Variants in FAM110B observed in about 807,000 individuals in gnomAD.
FAM110B encodes the protein family with sequence similarity 110 member B.
In FAM110B, 6 loss-of-function variants were observed where a neutral mutation model predicts 20.4. That is an observed-to-expected ratio of 0.29 (90% CI 0.16 to 0.58). The LOEUF (loss-of-function observed/expected upper bound fraction) is 0.58, where lower values mean the gene tolerates loss of function less well. Ranked by LOEUF, FAM110B falls within the 20% of genes least tolerant of loss-of-function variation. FAM110B has a pLI of 0.90. For missense variants in FAM110B, 434 were observed against 498.2 expected, an observed-to-expected ratio of 0.87 and a Z score of 1.23; for synonymous variants, 226 against 214.1, an observed-to-expected ratio of 1.06 and a Z score of -0.49.
At chr8:58,007,133 T>C (rs1804428165) in intron 1 of FAM110B, among the ~76,000 whole-genome samples, 1 of 151,898 alleles carries the variant, frequency 6.6e-6, no homozygotes, top group Non-Finnish European at 1.5e-5. Context: ...CCTCTTCTCT[T>C]AGCTGGAATG....
At chr8:58,085,289 G>A (rs533148547) in intron 3 of FAM110B, among the ~76,000 whole-genome samples, 1 of 152,308 alleles carries the variant, frequency 6.6e-6, no homozygotes, top group East Asian at 1.9e-4. Flanking sequence ...GGGGCAGGCA[G>A]ATTACTTGAG....
intron 2 of FAM110B, among the ~76,000 whole-genome samples, chr8:58,054,959 A>G (rs1805520471): frequency 6.6e-6 from 1 of 151,702 alleles, no homozygotes; most frequent in South Asian, 2.1e-4. Flanking sequence ...TTTAGTATTG[A>G]ATTGCTTAAA....
At chr8:58,125,395 T>A (rs1455576617) in intron 3 of FAM110B, among the ~76,000 whole-genome samples, 2 of 152,210 alleles carry the variant, frequency 1.3e-5, no homozygotes, top group Non-Finnish European at 2.9e-5. Flanking sequence ...TGTGTTAAAT[T>A]TCTTTTGTTT....
At chr8:58,074,413 A>C (rs1363055422) in intron 2 of FAM110B, among the ~76,000 whole-genome samples, 2 of 152,136 alleles carry the variant, frequency 1.3e-5, no homozygotes, top group African/African-American at 4.8e-5. Context: ...GGAGAATGGC[A>C]CTGCTGCTCC....
rs533460997 is a variant in FAM110B, at chr8:58,035,265, G to A, written c.-414+3562G>A. 2.0e-5 allele frequency among the ~76,000 whole-genome samples: 3 copies of A among 152,196 alleles called. No individual in the cohort carries two copies. In the South Asian group the frequency reaches 6.2e-4, roughly 32 times the overall value. On this transcript the variant is annotated intron_variant, in intron 2 of 3. Coordinates refer to ENST00000519262, the MANE Select transcript of FAM110B (RefSeq NM_001377989.1). ...AAATGCTCACTTATGTTATATGGTT[G>A]TTATGAAATGATTAAAGCAAGCAAA...
chr8:58,010,475 G>T (rs1426020382), intron 1 of FAM110B, among the ~76,000 whole-genome samples: 2 of 152,126 alleles, frequency 1.3e-5, no homozygotes, highest in African/African-American at 2.4e-5. Flanking sequence ...GCTCTAGAAG[G>T]TTCTGCCCCA....
At chr8:58,011,221 T>C (rs1311611333) in intron 1 of FAM110B, among the ~76,000 whole-genome samples, 1 of 152,192 alleles carries the variant, frequency 6.6e-6, no homozygotes, top group Admixed American at 6.5e-5. Flanking sequence ...GCCTGTGGAT[T>C]GAGGGTTCAG....
chr8:58,109,036 A>G (rs1311664388), intron 3 of FAM110B, among the ~76,000 whole-genome samples: 1 of 152,200 alleles, frequency 6.6e-6, no homozygotes, highest in Non-Finnish European at 1.5e-5. Context: ...TAGCCAGTAA[A>G]TAGTGGAATT....
intron 3 of FAM110B, among the ~76,000 whole-genome samples, chr8:58,107,934 T>C (rs1328214973): frequency 6.6e-6 from 1 of 152,240 alleles, no homozygotes; most frequent in African/African-American, 2.4e-5. Context: ...TAAACATAGC[T>C]CACAGTAAAT....
At chr8:58,001,582 A>G (rs1804297364) in intron 1 of FAM110B, among the ~76,000 whole-genome samples, 1 of 152,184 alleles carries the variant, frequency 6.6e-6, no homozygotes, top group Non-Finnish European at 1.5e-5. Flanking sequence ...TTGATTGTTC[A>G]TCCCTGGTTG....
At chr8:58,000,149 C>T (rs1477171792) in intron 1 of FAM110B, among the ~76,000 whole-genome samples, 4 of 152,082 alleles carry the variant, frequency 2.6e-5, no homozygotes, top group Admixed American at 2.6e-4. Context: ...ATGCAAAGGC[C>T]CTGTGACAGG....
In FAM110B at chr8:58,017,440, C is replaced by T. The variant is rs545897772; in HGVS notation, c.-511-14166C>T. On this transcript the variant is annotated intron_variant, in intron 1 of 3. Transcript: ENST00000519262. The stretch of plus-strand genomic sequence containing the variant: ...TTTATATAAAGATTTCAGGCCTCCA[C>T]CCTAGACTTACTGATGTCTAGGGGA... 2.2e-4 allele frequency among the ~76,000 whole-genome samples: 34 copies of T among 152,286 alleles called. No homozygotes were observed. In the Middle Eastern group the frequency reaches 0.01, roughly 46 times the overall value.
intron 3 of FAM110B, chr8:58,098,776 G>A (rs1806700361): frequency 6.6e-6 from 1 of 152,240 alleles, no homozygotes; most frequent in South Asian, 2.1e-4. Flanking sequence ...CCTTGGCTAG[G>A]GGAGGGAGTT....
At chr8:58,024,924 T>C (rs1804823034) in intron 1 of FAM110B, among the ~76,000 whole-genome samples, 1 of 152,226 alleles carries the variant, frequency 6.6e-6, no homozygotes. Flanking sequence ...TTTAGAGAGA[T>C]GCTCACCTTC....
At chr8:58,054,287 G>C (rs535232711) in intron 2 of FAM110B, among the ~76,000 whole-genome samples, 56 of 152,276 alleles carry the variant, frequency 3.7e-4, no homozygotes, top group African/African-American at 1.3e-3. Flanking sequence ...GAAACCACAA[G>C]ATACCACATC....
chr8:58,091,642 A>T (rs974586600), intron 3 of FAM110B: 1 of 152,198 alleles, frequency 6.6e-6, no homozygotes, highest in African/African-American at 2.4e-5. Context: ...AGAGAAAAAA[A>T]AATAAGCATA....
At chr8:58,099,354 T>A (rs757854893) in intron 3 of FAM110B, among the ~76,000 whole-genome samples, 28 of 147,724 alleles carry the variant, frequency 1.9e-4, no homozygotes, top group South Asian at 6.4e-4. Context: ...TTCCAAAATT[T>A]AAAAAAAAAA....
intron 3 of FAM110B, among the ~76,000 whole-genome samples, chr8:58,125,434 A>G (rs1193308448): frequency 1.3e-5 from 2 of 152,258 alleles, no homozygotes; most frequent in African/African-American, 2.4e-5. Flanking sequence ...TGCAGTGTCA[A>G]TTTAATATCC....
At chr8:58,138,721 G>C (rs1171903686) in intron 3 of FAM110B, among the ~76,000 whole-genome samples, 1 of 152,182 alleles carries the variant, frequency 6.6e-6, no homozygotes, top group Non-Finnish European at 1.5e-5. Context: ...ACTCCCTCCT[G>C]ACTTGCCACT....
Sources: gnomAD v4.1 joint callset for allele counts (sites outside exome capture counted in the v4.1 genomes callset) on GRCh38, gnomAD v4.1.1 for gene constraint, MANE v1.5 for transcripts, NCBI Gene and HGNC (gene_info 2026-07-23, HGNC 2026-07-21) for gene names.